FANCM: variants seen among roughly 807,000 people sequenced by gnomAD.
The protein encoded by FANCM is FA complementation group M.
FANCM carries 140 observed loss-of-function variants against 199.5 expected under a neutral mutation model. The observed-to-expected ratio is 0.70, with a 90% CI of 0.61 to 0.81. FANCM has a LOEUF of 0.81. Among genes scored for constraint, FANCM ranks in the 30% least tolerant of loss-of-function variants. The pLI is 0.00. For missense variants in FANCM, 2,410 were observed against 2,421.4 expected, an observed-to-expected ratio of 1.00 and a Z score of 0.10; for synonymous variants, 840 against 836.8, an observed-to-expected ratio of 1.00 and a Z score of -0.07.
At chr14:45,186,917 T>C (rs1889436835) in intron 18 of FANCM, among the ~76,000 whole-genome samples, 1 of 152,176 alleles carries the variant, frequency 6.6e-6, no homozygotes, top group South Asian at 2.1e-4. Context: ...AGAGGTAGAC[T>C]GAGACCAGTT....
rs973448978 is a variant in FANCM, at chr14:45,167,351, G to T, written c.2002+188G>T. ...AATGGAGAGACACTGGTAGTATAGAGTGACAGAAACTCAGTGTTGGGGAAA... is the reference window on the plus strand; with the variant it reads ...AATGGAGAGACACTGGTAGTATAGATTGACAGAAACTCAGTGTTGGGGAAA... On this transcript the variant is annotated intron_variant, in intron 11 of 22. Transcript: ENST00000267430. 31 of 574,154 alleles carry T rather than the reference G, an allele frequency of 5.4e-5. No homozygotes were observed. In the Admixed American group the frequency reaches 8.8e-4, roughly 16 times the overall value. 35.6% of individuals were successfully genotyped at this position (574,154 alleles called of 1,614,324 possible). A position where few individuals can be genotyped will look rare whatever the true frequency, so the allele number is the denominator to read the frequency against.
chr14:45,136,263 T>C lies in FANCM; in HGVS notation c.232T>C (p.Ser78Pro), dbSNP rs995677452. 7 of 1,613,942 alleles carry C rather than the reference T, an allele frequency of 4.3e-6. No individual in the cohort carries two copies. In the African/African-American group the frequency reaches 9.3e-5, roughly 22 times the overall value. ...TCTAGAGAATGGCGGGTTCTGCACC[T>C]CCGCGGGCGCCCTGTGGATTTACCC... ...LCLENGGFCT[S>P]AGALWIYPTN... The change falls in exon 1 of 23, where the codon TCC becomes CCC. Residue 78 changes from serine (S) to proline (P), a missense_variant. Transcript: ENST00000267430.
chr14:45,187,127 A>G (rs559529274), intron 18 of FANCM, among the ~76,000 whole-genome samples: 1 of 152,266 alleles, frequency 6.6e-6, no homozygotes, highest in South Asian at 2.1e-4. Context: ...AAGGCTGCAG[A>G]TGAAGCAATT....
At chr14:45,140,011 CT>C (rs532488044) in intron 2 of FANCM, among the ~76,000 whole-genome samples, 47 of 152,112 alleles carry the variant, frequency 3.1e-4, no homozygotes, top group African/African-American at 1.1e-3. Flanking sequence ...TTTTTGTGAG[CT>C]TTCCACATAA....
intron 13 of FANCM, among the ~76,000 whole-genome samples, chr14:45,173,483 C>A (rs901740729): frequency 3.3e-5 from 5 of 152,054 alleles, no homozygotes; most frequent in African/African-American, 1.2e-4. Context: ...ATTTAGGATT[C>A]TTTTGGATTC....
At chr14:45,185,698 A>G (rs1189946999) in intron 18 of FANCM, among the ~76,000 whole-genome samples, 1 of 152,186 alleles carries the variant, frequency 6.6e-6, no homozygotes, top group Non-Finnish European at 1.5e-5. Context: ...GAATGAACAA[A>G]ATAGACAAAA....
chr14:45,164,328 T>G, intron 9 of FANCM, 31 bp from the exon 10 acceptor site: 1 of 1,504,944 alleles, frequency 6.6e-7, no homozygotes, highest in Non-Finnish European at 9.2e-7. Flanking sequence ...TACATTTGCA[T>G]GTAGTTATTT....
intron 9 of FANCM, among the ~76,000 whole-genome samples, chr14:45,160,330 T>A (rs1429582129): frequency 1.3e-5 from 2 of 150,348 alleles, no homozygotes. Flanking sequence ...TTTTTTTTTT[T>A]TTTTAATTTT....
chr14:45,154,718 A>G lies in FANCM; in HGVS notation c.1205A>G (p.Glu402Gly). 6.2e-7 allele frequency: 1 copy of G among 1,601,260 alleles called. No homozygotes were observed. The highest frequency in any genetic ancestry group is 1.1e-5 in the South Asian group (1 of 89,418). ...GTKGMTRSKN[E>G]LGRNEDFMKL... is the part of the protein sequence containing the mutation. ...GAAGGGATGACACGGTCAAAAAATG[A>G]ACTTGGCCGAAATGAAGACTTCATG... Residue 402 changes from glutamate to glycine, a missense_variant, in exon 7 of 23, where the codon GAA becomes GGA. Glu to Gly is a moderately conservative substitution (Grantham distance 98, BLOSUM62 -2). Coordinates refer to ENST00000267430, the MANE Select transcript of FANCM (RefSeq NM_020937.4).
intron 20 of FANCM, among the ~76,000 whole-genome samples, chr14:45,193,365 C>CT (rs902837283): frequency 6.6e-6 from 1 of 152,204 alleles, no homozygotes; most frequent in Non-Finnish European, 1.5e-5. Context: ...ACAGAAAACA[C>CT]TAATTCCATA....
chr14:45,155,405 C>A lies in FANCM; in HGVS notation c.1342C>A (p.Pro448Thr). 6.8e-7 allele frequency: 1 copy of A among 1,470,014 alleles called. No homozygotes were observed. The highest frequency in any genetic ancestry group is 9.5e-7 in the Non-Finnish European group (1 of 1,050,926). The allele number at this position is 1,470,014 out of a possible 1,614,324, so 91.1% of individuals were successfully genotyped here. A position where few individuals can be genotyped will look rare whatever the true frequency, so the allele number is the denominator to read the frequency against. ...DKNKKFVYSH[P>T]KLKKLEEVVI... Reference sequence around the variant, plus strand: ...AAATAAAAAATTTGTTTATAGTCATCCAAAGTTAAAGAAATTAGAAGAAGT... The same window carrying A: ...AAATAAAAAATTTGTTTATAGTCATACAAAGTTAAAGAAATTAGAAGAAGT... The change falls in exon 8 of 23, where the codon CCA becomes ACA. Residue 448 changes from proline to threonine, a missense_variant. Transcript: ENST00000267430.
At chr14:45,166,493 A>C (rs1887985743) in intron 10 of FANCM, among the ~76,000 whole-genome samples, 1 of 152,086 alleles carries the variant, frequency 6.6e-6, no homozygotes, top group African/African-American at 2.4e-5. Context: ...TTTAAAATTC[A>C]AGACAGCTGG....
At position 45,153,940 on chromosome 14, in the gene FANCM, C is replaced by T. The variant is rs780333012; in HGVS notation, c.1071C>T (p.Ile357=). ...PNIVGIQQGI[I]EGEFAICISL... ...TCTAGGGAATACAACAAGGCATAAT[C>T]GAGGGAGAGTTTGCTATTTGTATTA... Residue 357 remains isoleucine, a synonymous_variant, in exon 6 of 23, where the codon ATC becomes ATT. Transcript: ENST00000267430. 2.1e-5 allele frequency: 33 copies of T among 1,608,534 alleles called. No homozygotes were observed. The highest frequency in any genetic ancestry group is 2.7e-5 in the African/African-American group (2 of 74,676).
chr14:45,197,463 T>G (rs1890124091), intron 21 of FANCM, among the ~76,000 whole-genome samples: 1 of 144,574 alleles, frequency 6.9e-6, no homozygotes, highest in Non-Finnish European at 1.5e-5. Context: ...TACCCAATTT[T>G]TTTTTTGTTT....
rs199929558 is a variant in FANCM at position 45,154,735 on chromosome 14, G to T, written c.1222G>T (p.Asp408Tyr). 1 of 1,603,374 alleles carries T rather than the reference G, an allele frequency of 6.2e-7. No homozygotes were observed. Among genetic ancestry groups the T allele is most frequent in the Non-Finnish European group, 8.5e-7 (1 of 1,172,750 alleles). ...RSKNELGRNE[D>Y]FMKLYNHLEC... is the part of the protein sequence containing the mutation. The stretch of plus-strand genomic sequence containing the variant: ...AAAAAATGAACTTGGCCGAAATGAA[G>T]ACTTCATGAAACTCTATAATCATCT... Residue 408 changes from aspartate to tyrosine, a missense_variant, in exon 7 of 23, where the codon GAC becomes TAC. Coordinates refer to ENST00000267430, the MANE Select transcript of FANCM (RefSeq NM_020937.4).
Position 45,175,449 on chromosome 14 carries a change from A to G in FANCM, c.2695A>G (p.Arg899Gly), listed in dbSNP as rs1427995552. 1 of 1,598,882 alleles carries G rather than the reference A, an allele frequency of 6.3e-7. No homozygotes were observed. Among genetic ancestry groups the G allele is most frequent in the East Asian group, 2.2e-5 (1 of 44,728 alleles). The part of the protein sequence containing the change: ...IFQEDLPNDK[R>G]TSDTDEIAAT... ...TCAAGAAGACCTACCAAATGATAAA[A>G]GGACATCAGATACAGATGAAATTGC... is the stretch of plus-strand genomic sequence containing the variant. Residue 899 changes from arginine (R) to glycine (G), a missense_variant, in exon 14 of 23, where the codon AGG becomes GGG. Arg to Gly is a moderately radical substitution (Grantham distance 125). Coordinates refer to ENST00000267430, the MANE Select transcript of FANCM (RefSeq NM_020937.4).
At chr14:45,198,205 T>C (rs1214402538) in intron 21 of FANCM, among the ~76,000 whole-genome samples, 2 of 152,028 alleles carry the variant, frequency 1.3e-5, no homozygotes, top group Non-Finnish European at 2.9e-5. Flanking sequence ...GAATAGAAAA[T>C]GAACAAGAAA....
At chr14:45,149,143 G>A in intron 4 of FANCM, 148 bp downstream of exon 4, 1 of 714,706 alleles carries the variant, frequency 1.4e-6, no homozygotes, top group Non-Finnish European at 2.3e-6. Flanking sequence ...AAAATTTTTG[G>A]AATGAGCACT....
Position 45,175,233 on chromosome 14 carries a change from T to A in FANCM, c.2479T>A (p.Ser827Thr), listed in dbSNP as rs751068285. ...AAAGAACATAAATCAAGGCAGTTCATCCTCAGTGATAGAATCTGATGAAGA... is the reference window on the plus strand; with the variant it reads ...AAAGAACATAAATCAAGGCAGTTCAACCTCAGTGATAGAATCTGATGAAGA... The part of the protein sequence containing the change: ...FIKNINQGSS[S>T]SVIESDEECA... The change falls in exon 14 of 23, where the codon TCC becomes ACC. Residue 827 changes from serine to threonine, a missense_variant. Coordinates refer to ENST00000267430, the MANE Select transcript of FANCM (RefSeq NM_020937.4). The A allele has an allele frequency of 6.2e-7, 1 of 1,611,518 alleles. No homozygotes were observed. The highest frequency in any genetic ancestry group is 1.1e-5 in the South Asian group (1 of 90,096).
Sources: gnomAD v4.1 joint callset for allele counts (sites outside exome capture counted in the v4.1 genomes callset) on GRCh38, gnomAD v4.1.1 for gene constraint, MANE v1.5 for transcripts, NCBI Gene and HGNC (gene_info 2026-07-23, HGNC 2026-07-21) for gene names.